The following RANBP2 variants were observed in gnomAD, a reference collection of about 807,000 sequenced individuals.
The protein encoded by RANBP2 is E3 SUMO-protein ligase RanBP2.
A neutral mutation model predicts 303.6 loss-of-function variants in RANBP2; 57 were observed. The observed-to-expected ratio is 0.19, with a 90% CI of 0.15 to 0.23. The LOEUF is 0.23. Among genes scored for constraint, RANBP2 ranks in the 10% least tolerant of loss-of-function variants. The pLI, the probability that RANBP2 is intolerant of heterozygous loss-of-function variation, is 1.00. For missense variants in RANBP2, 3,138 were observed against 3,780.8 expected, an observed-to-expected ratio of 0.83 and a Z score of 4.46; for synonymous variants, 1,167 against 1,301.5, an observed-to-expected ratio of 0.90 and a Z score of 2.23.
At chr2:109,073,040 G>T in the RANBP2 span, among the ~76,000 whole-genome samples, 22 of 152,084 alleles carry the variant, frequency 1.4e-4, 1 homozygote, top group Admixed American at 1.4e-3. Flanking sequence ...GAACAAACAG[G>T]AAATATGCCA....
At chr2:108,795,773 AAGC>A in the RANBP2 span, among the ~76,000 whole-genome samples, 95 of 152,318 alleles carry the variant, frequency 6.2e-4, no homozygotes, top group African/African-American at 2.2e-3. Flanking sequence ...GTGTTCTGAA[AAGC>A]AGTGATTGTC....
chr2:108,979,369 G>A, the RANBP2 span, among the ~76,000 whole-genome samples: 1 of 152,002 alleles, frequency 6.6e-6, no homozygotes, highest in African/African-American at 2.4e-5. Flanking sequence ...GCTGCCCCCT[G>A]CCCCACCACT....
the RANBP2 span, among the ~76,000 whole-genome samples, chr2:109,584,508 T>C: frequency 5.4e-5 from 8 of 148,974 alleles, no homozygotes; most frequent in Non-Finnish European, 8.9e-5. Context: ...TTGAAACACA[T>C]TTCAAAAAGG....
intron 4 of RANBP2, among the ~76,000 whole-genome samples, chr2:108,732,076 A>T (rs571092207): frequency 6.6e-6 from 1 of 152,316 alleles, no homozygotes; most frequent in South Asian, 2.1e-4. Flanking sequence ...TTTAAAATGT[A>T]TATTGTAATG....
At chr2:109,225,256 G>C in the RANBP2 span, among the ~76,000 whole-genome samples, 1 of 151,838 alleles carries the variant, frequency 6.6e-6, no homozygotes, top group Non-Finnish European at 1.5e-5. Context: ...TAATAATAAA[G>C]AAGGCTTATT....
At chr2:109,582,527 G>A in the RANBP2 span, among the ~76,000 whole-genome samples, 1 of 152,046 alleles carries the variant, frequency 6.6e-6, no homozygotes, top group Non-Finnish European at 1.5e-5. Flanking sequence ...CCACCATGTT[G>A]CCCAGGCTAG....
At chr2:109,371,490 T>C in the RANBP2 span, 1 of 958,490 alleles carries the variant, frequency 1.0e-6, no homozygotes, top group Non-Finnish European at 1.6e-6. Context: ...CCTTGGAATC[T>C]CTTCCGAGCC....
the RANBP2 span, chr2:109,585,098 T>C: frequency 1.4e-6 from 2 of 1,437,714 alleles, no homozygotes; most frequent in Admixed American, 4.6e-5. Context: ...AAGAAAAACT[T>C]GTTTTATTAC....
chr2:109,146,117 G>A, the RANBP2 span, among the ~76,000 whole-genome samples: 1 of 152,172 alleles, frequency 6.6e-6, no homozygotes, highest in Non-Finnish European at 1.5e-5. Context: ...TGAAGGTGAG[G>A]TGTCACCACT....
At chr2:109,328,727 G>C in the RANBP2 span, among the ~76,000 whole-genome samples, 1 of 152,196 alleles carries the variant, frequency 6.6e-6, no homozygotes, top group African/African-American at 2.4e-5. Flanking sequence ...CCTGTGATCT[G>C]TCAGTATGGT....
the RANBP2 span, chr2:109,251,309 A>G: frequency 1.2e-5 from 5 of 420,686 alleles, no homozygotes; most frequent in Admixed American, 1.0e-4. Flanking sequence ...GCCCGGCCCA[A>G]ATTATCTTTA....
the RANBP2 span, among the ~76,000 whole-genome samples, chr2:109,255,642 G>C: frequency 6.6e-6 from 1 of 152,176 alleles, no homozygotes; most frequent in Non-Finnish European, 1.5e-5. Context: ...AGAACTGTTG[G>C]GAACAACCTT....
At chr2:109,155,473 T>C in the RANBP2 span, among the ~76,000 whole-genome samples, 1 of 152,132 alleles carries the variant, frequency 6.6e-6, no homozygotes, top group African/African-American at 2.4e-5. Flanking sequence ...TGGCTAATTT[T>C]TGTATTTTTA....
chr2:109,396,729 C>G, the RANBP2 span, among the ~76,000 whole-genome samples: 1 of 152,332 alleles, frequency 6.6e-6, no homozygotes, highest in South Asian at 2.1e-4. Flanking sequence ...ACAGGCCCCT[C>G]CTGGCACCTG....
intron 15 of RANBP2, among the ~76,000 whole-genome samples, chr2:108,754,178 T>C (rs2149236258): frequency 6.6e-6 from 1 of 152,234 alleles, no homozygotes; most frequent in South Asian, 2.1e-4. Flanking sequence ...TCTAGGTATA[T>C]GCTCTTAAAA....
At chr2:109,230,922 C>T in the RANBP2 span, among the ~76,000 whole-genome samples, 1 of 152,224 alleles carries the variant, frequency 6.6e-6, no homozygotes, top group African/African-American at 2.4e-5. Flanking sequence ...TAAGGGACAG[C>T]TCAAACAGGA....
chr2:109,732,479 TC>T, the RANBP2 span, among the ~76,000 whole-genome samples: 1 of 148,904 alleles, frequency 6.7e-6, no homozygotes, highest in African/African-American at 2.5e-5. Flanking sequence ...TACACCTTCA[TC>T]TTTTTTTTTT....
chr2:109,222,570 C>T, the RANBP2 span, among the ~76,000 whole-genome samples: 27 of 152,174 alleles, frequency 1.8e-4, 1 homozygote, highest in Admixed American at 6.5e-4. Context: ...GGAGAGCAGG[C>T]CCTGGGCTTA....
At chr2:108,983,173 G>T in the RANBP2 span, among the ~76,000 whole-genome samples, 1 of 152,050 alleles carries the variant, frequency 6.6e-6, no homozygotes, top group Non-Finnish European at 1.5e-5. Flanking sequence ...AGAGGATGCC[G>T]CATGTCAACA....
Sources: gnomAD v4.1 joint callset for allele counts (sites outside exome capture counted in the v4.1 genomes callset) on GRCh38, gnomAD v4.1.1 for gene constraint, MANE v1.5 for transcripts, NCBI Gene and HGNC (gene_info 2026-07-23, HGNC 2026-07-21) for gene names.